Variants in TNNT2 observed in about 807,000 individuals in gnomAD.
The protein encoded by TNNT2 is troponin T, cardiac muscle.
TNNT2 carries 34 observed loss-of-function variants against 62.4 expected under a neutral mutation model. The ratio of observed to expected loss-of-function variants is 0.54; its 90% CI spans 0.41 to 0.72. The LOEUF is 0.72. Among genes scored for constraint, TNNT2 ranks in the 30% least tolerant of loss-of-function variants. The probability of loss-of-function intolerance (pLI) is 0.00; values close to 1 mark genes in which losing one functional copy is unlikely to be tolerated. For synonymous variants in TNNT2, 123 were observed against 127.2 expected, an observed-to-expected ratio of 0.97 and a Z score of 0.22; for missense variants, 275 against 381.9, an observed-to-expected ratio of 0.72 and a Z score of 2.33.
intron 14 of TNNT2, 144 bp downstream of exon 14, chr1:201,361,769 A>T (rs377554250): frequency 1.2e-6 from 1 of 807,688 alleles, no homozygotes; most frequent in African/African-American, 1.7e-5. Context: ...GCTGGGGCCC[A>T]GCTCTGGTCC....
At chr1:201,364,123 A>C in intron 11 of TNNT2, 175 bp downstream of exon 11, 16 of 648,212 alleles carry the variant, frequency 2.5e-5, no homozygotes, top group Non-Finnish European at 3.8e-5. Context: ...ACCTCAAGTG[A>C]TCTACCCGCC....
rs142754430 is a variant in TNNT2, at chr1:201,369,898, T to C, written c.68-53A>G. On this transcript the variant is annotated intron_variant, in intron 4 of 16. Transcript: ENST00000656932. ...AGGGGAAAAGCGAGACAGGTTAGTC[T>C]GGGAGCAGAGAGCCCGCGGCAGGAG... is the stretch of plus-strand genomic sequence containing the variant. 2,457 of 1,612,336 alleles carry C rather than the reference T, an allele frequency of 1.5e-3. 39 individuals are homozygous for C. In the African/African-American group the frequency reaches 0.029, roughly 19 times the overall value.
intron 12 of TNNT2, 104 bp from the exon 13 acceptor site, chr1:201,362,498 G>T: frequency 6.9e-7 from 1 of 1,441,986 alleles, no homozygotes; most frequent in South Asian, 1.2e-5. Context: ...AGACATGGAA[G>T]AGAAGATTCA....
intron 2 of TNNT2, 50 bp downstream of exon 2, chr1:201,373,164 G>C (rs766987974): frequency 4.4e-6 from 7 of 1,587,088 alleles, no homozygotes; most frequent in Non-Finnish European, 6.1e-6. Context: ...CAGGTGTCAG[G>C]GCAGCGGCGG....
intron 12 of TNNT2, 98 bp from the exon 13 acceptor site, chr1:201,362,492 A>G: frequency 6.8e-7 from 1 of 1,463,492 alleles, no homozygotes. Context: ...AAGGAGAGAC[A>G]TGGAAGAGAA....
chr1:201,367,445 A>G, intron 7 of TNNT2: 1 of 514,524 alleles, frequency 1.9e-6, no homozygotes, highest in Non-Finnish European at 3.5e-6. Flanking sequence ...TACGGACACC[A>G]CATCCTACAA....
chr1:201,369,898 T>G lies in TNNT2; in HGVS notation c.68-53A>C, dbSNP rs142754430. The G allele has an allele frequency of 2.5e-6, 4 of 1,612,226 alleles. No homozygotes were observed. In the Admixed American group the frequency reaches 6.7e-5, roughly 27 times the overall value. ...AGGGGAAAAGCGAGACAGGTTAGTC[T>G]GGGAGCAGAGAGCCCGCGGCAGGAG... On this transcript the variant is annotated intron_variant, in intron 4 of 16. Transcript: ENST00000656932.
At position 201,359,088 on chromosome 1, in the gene TNNT2, G is replaced by C; in HGVS notation, c.*122C>G. ...GGCAGGAGTGGTGGCTCCCACCTAG[G>C]CCAGCTCCCCATTTCCAAACAGGAG... On this transcript the variant is annotated 3_prime_UTR_variant, in exon 17 of 17. Transcript: ENST00000656932. 1.5e-6 allele frequency: 2 copies of C among 1,324,982 alleles called. No homozygotes were observed. The highest frequency in any genetic ancestry group is 2.1e-6 in the Non-Finnish European group (2 of 943,478). The allele number at this position is 1,324,982 out of a possible 1,614,324, so 82.1% of individuals were successfully genotyped here. A position where few individuals can be genotyped will look rare whatever the true frequency, so the allele number is the denominator to read the frequency against.
intron 5 of TNNT2, chr1:201,368,501 C>A (rs1660093507): frequency 1.8e-6 from 1 of 551,334 alleles, no homozygotes; most frequent in Non-Finnish European, 3.5e-6. Context: ...AGAAGTTCCA[C>A]CCCGTGTCTG....
At chr1:201,373,450 C>T (rs1660956502) in intron 1 of TNNT2, 182 bp from the exon 2 acceptor site, 1 of 648,112 alleles carries the variant, frequency 1.5e-6, no homozygotes, top group Non-Finnish European at 2.8e-6. Context: ...ATAGTGACAC[C>T]CACATGGCAG....
At position 201,373,215 on chromosome 1, in the gene TNNT2, C is replaced by T. The variant is rs772890125; in HGVS notation, c.40G>A (p.Glu14Lys). The change falls in exon 2 of 17, where the codon GAG becomes AAG. Residue 14 changes from glutamate to lysine, a missense_variant and splice_region_variant. Transcript: ENST00000656932. The stretch of plus-strand genomic sequence containing the variant: ...AGGCAAGATGCTCCAGATACTCACT[C>T]CTCCTCGTACTCTTCCACCACCTCT... ...IEEVVEEYEE[E>K]EQEEAAVEEE... 6 of 1,614,032 alleles carry T rather than the reference C, an allele frequency of 3.7e-6. No individual in the cohort carries two copies. In the African/African-American group the frequency reaches 5.3e-5, roughly 14 times the overall value.
At chr1:201,365,778 C>A (rs896577640) in intron 8 of TNNT2, 108 bp from the exon 9 acceptor site, 23 of 1,554,100 alleles carry the variant, frequency 1.5e-5, no homozygotes, top group Non-Finnish European at 2.0e-5. Context: ...TCCAGCACTG[C>A]CCCGACCAAC....
At chr1:201,366,809 C>T (rs45480195) in intron 8 of TNNT2, 29 bp downstream of exon 8, 5 of 1,613,948 alleles carry the variant, frequency 3.1e-6, no homozygotes, top group South Asian at 1.1e-5. Flanking sequence ...CCTCTGCTCC[C>T]GGCTCTACCC....
intron 14 of TNNT2, 39 bp downstream of exon 14, chr1:201,361,874 T>A: frequency 6.3e-7 from 1 of 1,583,032 alleles, no homozygotes; most frequent in Non-Finnish European, 8.7e-7. Flanking sequence ...CCAGAGCAGA[T>A]GCGGGCAGTG....
At chr1:201,372,555 T>C (rs1291225620) in intron 2 of TNNT2, among the ~76,000 whole-genome samples, 1 of 152,132 alleles carries the variant, frequency 6.6e-6, no homozygotes, top group Non-Finnish European at 1.5e-5. Context: ...CAGCCCCTGA[T>C]CTCCCTCTCC....
At chr1:201,362,528 C>A in intron 12 of TNNT2, 134 bp from the exon 13 acceptor site, 1 of 1,188,284 alleles carries the variant, frequency 8.4e-7, no homozygotes, top group South Asian at 1.4e-5. Context: ...TGTAGTCAGC[C>A]GGGTTTACTA....
In TNNT2 at chr1:201,373,275, A is replaced by T; in HGVS notation, c.-14-7T>A. 6.2e-7 allele frequency: 1 copy of T among 1,613,672 alleles called. No individual in the cohort carries two copies. Among genetic ancestry groups the T allele is most frequent in the Non-Finnish European group, 8.5e-7 (1 of 1,179,722 alleles). ...GACATGGTCTCTGCTCTCCCTCCAA[A>T]AGGAGAAAAAAGTCAGTGCAGGTAC... On this transcript the variant is annotated splice_region_variant and splice_polypyrimidine_tract_variant and intron_variant, in intron 1 of 16. Transcript: ENST00000656932.
chr1:201,362,856 T>C (rs1234618883), intron 12 of TNNT2, among the ~76,000 whole-genome samples: 1 of 152,162 alleles, frequency 6.6e-6, no homozygotes, highest in Non-Finnish European at 1.5e-5. Context: ...GGTAGCTCAT[T>C]TGAGCTTCTC....
intron 5 of TNNT2, 27 bp downstream of exon 5, chr1:201,369,789 G>A (rs1660336224): frequency 1.2e-6 from 2 of 1,614,142 alleles, no homozygotes; most frequent in East Asian, 2.2e-5. Context: ...GCAGCAGAAA[G>A]CACCACAGAA....
Sources: allele counts gnomAD v4.1 joint callset (sites outside exome capture counted in the v4.1 genomes callset), GRCh38; gene constraint gnomAD v4.1.1; transcripts MANE v1.5; gene names NCBI Gene and HGNC (gene_info 2026-07-23, HGNC 2026-07-21).